The following SH3RF1 variants were observed in gnomAD, a reference collection of about 807,000 sequenced individuals.
The protein encoded by SH3RF1 is SH3 domain containing ring finger 1.
A neutral mutation model predicts 74.0 loss-of-function variants in SH3RF1; 32 were observed. The ratio of observed to expected loss-of-function variants is 0.43; its 90% CI spans 0.33 to 0.58. The LOEUF (loss-of-function observed/expected upper bound fraction) is 0.58, where lower values mean the gene tolerates loss of function less well. Ranked by LOEUF, SH3RF1 falls within the 20% of genes least tolerant of loss-of-function variation. The pLI is 0.05. For synonymous variants in SH3RF1, 396 were observed against 439.6 expected (o/e 0.90, Z 1.24); for missense variants, 954 against 1,130.9 (o/e 0.84, Z 2.24).
At chr4:169,246,616 T>C (rs559797525) in intron 2 of SH3RF1, among the ~76,000 whole-genome samples, 1 of 152,408 alleles carries the variant, frequency 6.6e-6, no homozygotes, top group East Asian at 1.9e-4. Flanking sequence ...CAATCTTAGC[T>C]GATGCATCTG....
intron 2 of SH3RF1, among the ~76,000 whole-genome samples, chr4:169,202,140 T>C (rs1470401823): frequency 6.6e-6 from 1 of 152,120 alleles, no homozygotes; most frequent in Non-Finnish European, 1.5e-5. Flanking sequence ...CCTCAGGATA[T>C]AGATACTGAG....
Position 169,157,894 on chromosome 4 carries a change from C to T in SH3RF1, c.394-1215G>A, listed in dbSNP as rs182393997. 4.4e-3 allele frequency among the ~76,000 whole-genome samples: 656 copies of T among 150,192 alleles called. 6 individuals are homozygous for T. Among genetic ancestry groups the T allele is most frequent in the African/African-American group, 0.016 (627 of 40,350 alleles). On this transcript the variant is annotated intron_variant, in intron 2 of 11. Transcript: ENST00000284637. ...TAGCTGGGATTGCAGGCAAGCACCA[C>T]TATGTCTGGCTCATTTTTGTATTTT...
chr4:169,165,666 G>A (rs1734229398), intron 2 of SH3RF1, among the ~76,000 whole-genome samples: 1 of 151,934 alleles, frequency 6.6e-6, no homozygotes, highest in Non-Finnish European at 1.5e-5. Flanking sequence ...AGGCCTCAGT[G>A]AAATTCAATT....
At chr4:169,150,671 C>G (rs1733961914) in intron 4 of SH3RF1, among the ~76,000 whole-genome samples, 1 of 152,170 alleles carries the variant, frequency 6.6e-6, no homozygotes. Context: ...CTACATGCAT[C>G]TTAGGGCCCC....
intron 2 of SH3RF1, among the ~76,000 whole-genome samples, chr4:169,178,983 C>A (rs576056240): frequency 3.3e-5 from 5 of 152,220 alleles, no homozygotes; most frequent in Non-Finnish European, 7.3e-5. Flanking sequence ...GCATAGTAGA[C>A]CCTACCCATG....
At chr4:169,175,693 C>G (rs1337954292) in intron 2 of SH3RF1, among the ~76,000 whole-genome samples, 1 of 152,130 alleles carries the variant, frequency 6.6e-6, no homozygotes, top group African/African-American at 2.4e-5. Context: ...TAGGCACCGA[C>G]CCACCCAAAA....
At chr4:169,263,366 C>A (rs1731309646) in intron 2 of SH3RF1, among the ~76,000 whole-genome samples, 1 of 152,162 alleles carries the variant, frequency 6.6e-6, no homozygotes, top group East Asian at 1.9e-4. Context: ...TGTGTTACCT[C>A]CCCCAAATGT....
At chr4:169,242,323 C>A (rs1730925471) in intron 2 of SH3RF1, among the ~76,000 whole-genome samples, 1 of 152,166 alleles carries the variant, frequency 6.6e-6, no homozygotes, top group Non-Finnish European at 1.5e-5. Flanking sequence ...GTTCTAACAT[C>A]TTTGTAATTT....
chr4:169,223,729 G>A (rs905830742), intron 2 of SH3RF1, among the ~76,000 whole-genome samples: 2 of 152,138 alleles, frequency 1.3e-5, no homozygotes, highest in African/African-American at 4.8e-5. Flanking sequence ...TTAATTTCAG[G>A]TTGTGATAAG....
intron 10 of SH3RF1, among the ~76,000 whole-genome samples, chr4:169,116,000 G>T (rs777473894): frequency 2.0e-5 from 3 of 152,152 alleles, no homozygotes; most frequent in Non-Finnish European, 2.9e-5. Context: ...CTCATTCACT[G>T]TGGTCCCTCT....
chr4:169,256,654 T>C (rs1020854278), intron 2 of SH3RF1, among the ~76,000 whole-genome samples: 1 of 152,102 alleles, frequency 6.6e-6, no homozygotes, highest in Non-Finnish European at 1.5e-5. Context: ...TGGAGTGCAG[T>C]GACAAGATCA....
intron 2 of SH3RF1, among the ~76,000 whole-genome samples, chr4:169,170,539 T>C (rs936207961): frequency 5.9e-5 from 9 of 151,374 alleles, no homozygotes; most frequent in Non-Finnish European, 1.3e-4. Context: ...TTTAACTAAA[T>C]TTTTTTTAGG....
At chr4:169,189,662 G>A (rs1734667466) in intron 2 of SH3RF1, among the ~76,000 whole-genome samples, 1 of 152,202 alleles carries the variant, frequency 6.6e-6, no homozygotes, top group Non-Finnish European at 1.5e-5. Context: ...GAAAAGACAA[G>A]CTTTGGGACC....
intron 2 of SH3RF1, among the ~76,000 whole-genome samples, chr4:169,187,516 CTGTG>C (rs60705711): frequency 0.067 from 9,635 of 143,870 alleles, 464 homozygotes; most frequent in African/African-American, 0.13. Context: ...CAACGAATTT[CTGTG>C]TGTGTGTGTG....
chr4:169,184,355 G>A (rs750046963), intron 2 of SH3RF1, among the ~76,000 whole-genome samples: 3 of 152,196 alleles, frequency 2.0e-5, no homozygotes, highest in Non-Finnish European at 4.4e-5. Flanking sequence ...ATAGATCTCA[G>A]CTTCCACACT....
At chr4:169,207,691 C>T (rs940601371) in intron 2 of SH3RF1, among the ~76,000 whole-genome samples, 7 of 152,150 alleles carry the variant, frequency 4.6e-5, no homozygotes, top group African/African-American at 1.7e-4. Context: ...GAAGATAAAC[C>T]CAACTCTAGA....
intron 2 of SH3RF1, among the ~76,000 whole-genome samples, chr4:169,206,527 T>C (rs1418496386): frequency 1.3e-5 from 2 of 152,042 alleles, no homozygotes; most frequent in Non-Finnish European, 1.5e-5. Context: ...TTTTAAAAAT[T>C]ATATAAAAAC....
intron 2 of SH3RF1, among the ~76,000 whole-genome samples, chr4:169,223,839 G>C (rs1561057418): frequency 6.6e-6 from 1 of 152,194 alleles, no homozygotes; most frequent in Non-Finnish European, 1.5e-5. Flanking sequence ...GTGTGGAAGA[G>C]GTGATCCTAA....
Position 169,194,233 on chromosome 4 carries a change from G to A in SH3RF1, c.394-37554C>T, listed in dbSNP as rs146439620. 2.6e-4 allele frequency among the ~76,000 whole-genome samples: 40 copies of A among 152,232 alleles called. No homozygotes were observed. In the East Asian group the frequency reaches 7.0e-3, roughly 26 times the overall value. On this transcript the variant is annotated intron_variant, in intron 2 of 11. Transcript: ENST00000284637. ...ACTATAAAATAAAGCATATAAAACT[G>A]CACAAAACCAAGATGTGCAGTTCAA...
Sources: allele counts gnomAD v4.1 joint callset (sites outside exome capture counted in the v4.1 genomes callset), GRCh38; gene constraint gnomAD v4.1.1; transcripts MANE v1.5; gene names NCBI Gene and HGNC (gene_info 2026-07-23, HGNC 2026-07-21).